STK24: variants seen among roughly 807,000 people sequenced by gnomAD.
The protein encoded by STK24 is serine/threonine-protein kinase 24.
Under a neutral mutation model 55.6 loss-of-function variants are expected in STK24, and 21 were observed. The ratio of observed to expected loss-of-function variants is 0.38; its 90% confidence interval spans 0.27 to 0.54. The LOEUF is 0.54. Ranked by LOEUF, STK24 falls within the 20% of genes least tolerant of loss-of-function variation. The probability of loss-of-function intolerance (pLI) is 0.79; values close to 1 mark genes in which losing one functional copy is unlikely to be tolerated. For missense variants in STK24, 383 were observed against 538.4 expected (o/e 0.71, Z 2.86); for synonymous variants, 200 against 215.2 (o/e 0.93, Z 0.62).
At chr13:98,492,332 G>A (rs1469740885) in intron 2 of STK24, among the ~76,000 whole-genome samples, 1 of 152,178 alleles carries the variant, frequency 6.6e-6, no homozygotes, top group Non-Finnish European at 1.5e-5. Context: ...TATGTGTGAA[G>A]AGCGAAGCCC....
chr13:98,488,687 T>G (rs1487922750), intron 2 of STK24, among the ~76,000 whole-genome samples: 1 of 152,154 alleles, frequency 6.6e-6, no homozygotes, highest in Non-Finnish European at 1.5e-5. Flanking sequence ...CCAGGCAAAC[T>G]TGCCCCAAAG....
At chr13:98,565,721 T>C (rs1897549419) in intron 1 of STK24, among the ~76,000 whole-genome samples, 2 of 151,786 alleles carry the variant, frequency 1.3e-5, no homozygotes, top group South Asian at 2.1e-4. Context: ...GGGCAACACC[T>C]GAAAGGCAAT....
chr13:98,514,087 A>G (rs543189764), intron 2 of STK24, among the ~76,000 whole-genome samples: 1 of 152,368 alleles, frequency 6.6e-6, no homozygotes, highest in African/African-American at 2.4e-5. Flanking sequence ...CAATATGGGC[A>G]AGGCTGAGAA....
chr13:98,466,125 G>A (rs911881065), intron 6 of STK24, among the ~76,000 whole-genome samples: 2 of 152,072 alleles, frequency 1.3e-5, no homozygotes, highest in Admixed American at 6.5e-5. Context: ...TTAATATTAA[G>A]GAGAATATTC....
At chr13:98,571,134 G>A (rs1323175801) in intron 1 of STK24, among the ~76,000 whole-genome samples, 1 of 152,158 alleles carries the variant, frequency 6.6e-6, no homozygotes, top group Non-Finnish European at 1.5e-5. Context: ...TCGGACGCCT[G>A]GACTGCGGCT....
chr13:98,573,381 C>T (rs1897791907), intron 1 of STK24, among the ~76,000 whole-genome samples: 1 of 152,184 alleles, frequency 6.6e-6, no homozygotes, highest in African/African-American at 2.4e-5. Flanking sequence ...ACAACAAATG[C>T]TCAATGAAAG....
intron 5 of STK24, among the ~76,000 whole-genome samples, chr13:98,469,491 G>T (rs1894054289): frequency 6.6e-6 from 1 of 151,734 alleles, no homozygotes; most frequent in African/African-American, 2.4e-5. Flanking sequence ...AGAAGTTGCA[G>T]TGAGCGAGAT....
At chr13:98,468,688 C>T (rs1190044106) in intron 5 of STK24, among the ~76,000 whole-genome samples, 1 of 152,194 alleles carries the variant, frequency 6.6e-6, no homozygotes, top group Non-Finnish European at 1.5e-5. Flanking sequence ...CATGCTGTCT[C>T]CTGGCCACAC....
chr13:98,514,136 T>G (rs1351867950), intron 2 of STK24, among the ~76,000 whole-genome samples: 1 of 152,220 alleles, frequency 6.6e-6, no homozygotes, highest in African/African-American at 2.4e-5. Flanking sequence ...GTAAGTAGGC[T>G]GATTATTTTC....
At position 98,446,414 on chromosome 13, in the gene STK24, C is replaced by T; in HGVS notation, c.*6759G>A. 1.7e-6 allele frequency: 1 copy of T among 602,044 alleles called. No homozygotes were observed. Among genetic ancestry groups the T allele is most frequent in the Non-Finnish European group, 2.9e-6 (1 of 339,344 alleles). The allele number at this position is 602,044 out of a possible 1,614,324, so 37.3% of individuals were successfully genotyped here. On this transcript the variant is annotated 3_prime_UTR_variant, in exon 11 of 11. Transcript: ENST00000539966. Reference sequence around the variant, plus strand: ...CATCCACTGAAGGACAACTTCTGCCCTAGGAAGGGCCACCTGTCTTCTGCC... The same window carrying T: ...CATCCACTGAAGGACAACTTCTGCCTTAGGAAGGGCCACCTGTCTTCTGCC...
intron 2 of STK24, among the ~76,000 whole-genome samples, chr13:98,490,068 C>T (rs1303721610): frequency 1.3e-5 from 2 of 152,170 alleles, no homozygotes; most frequent in Non-Finnish European, 2.9e-5. Flanking sequence ...TCCTCCTCTG[C>T]ACCCAAGACA....
intron 5 of STK24, among the ~76,000 whole-genome samples, chr13:98,468,075 T>C (rs1229801335): frequency 6.6e-6 from 1 of 152,208 alleles, no homozygotes; most frequent in Non-Finnish European, 1.5e-5. Flanking sequence ...GAAGCATCGT[T>C]GTGGCTGCAG....
rs548174817 is a variant in STK24, at chr13:98,565,757, T to C, written c.42+10988A>G. Among the ~76,000 whole-genome samples, 147 of 152,244 alleles carry C rather than the reference T, an allele frequency of 9.7e-4. 2 individuals carry two copies. The South Asian group carries it at 0.016, about 16-fold the overall frequency. ...GAACAGGAGCCAGTCAGCAGCTCCA[T>C]GCCCACCCTAAGGAGGTGGGGCTCA... On this transcript the variant is annotated intron_variant, in intron 1 of 10. Transcript: ENST00000539966.
chr13:98,458,099 A>G (rs1019693899), intron 9 of STK24, among the ~76,000 whole-genome samples: 46 of 152,214 alleles, frequency 3.0e-4, no homozygotes, highest in African/African-American at 9.4e-4. Flanking sequence ...ATTTGATTTC[A>G]TGTAAATAAG....
chr13:98,485,408 G>A (rs1566362230), intron 2 of STK24, among the ~76,000 whole-genome samples: 1 of 151,864 alleles, frequency 6.6e-6, no homozygotes, highest in Non-Finnish European at 1.5e-5. Flanking sequence ...AAGATCAGAT[G>A]AACCAGTTTA....
chr13:98,523,561 G>A (rs992241886), intron 1 of STK24, among the ~76,000 whole-genome samples: 10 of 152,090 alleles, frequency 6.6e-5, no homozygotes, highest in Admixed American at 3.3e-4. Flanking sequence ...CCAGAGGGAC[G>A]TGACCATGAG....
At chr13:98,492,658 A>C (rs1305342337) in intron 2 of STK24, among the ~76,000 whole-genome samples, 1 of 152,054 alleles carries the variant, frequency 6.6e-6, no homozygotes, top group African/African-American at 2.4e-5. Flanking sequence ...ACAACCCCAC[A>C]ATTTTTCTCT....
intron 1 of STK24, among the ~76,000 whole-genome samples, chr13:98,559,269 A>G (rs768032403): frequency 4.2e-4 from 64 of 152,184 alleles, no homozygotes; most frequent in Non-Finnish European, 8.5e-4. Context: ...CATAATCCCT[A>G]TGCATTGTGG....
Position 98,448,203 on chromosome 13 carries a change from A to C in STK24, c.*4970T>G, listed in dbSNP as rs1892981418. The C allele has an allele frequency of 6.3e-7, 1 of 1,593,246 alleles. No individual in the cohort carries two copies. The highest frequency in any genetic ancestry group is 1.3e-5 in the African/African-American group (1 of 74,486). ...AAAGTGTCAGGAGTCCGTCCAAACAAAAGGTTGACTAACTGGCGTTCCCGT... is the reference window on the plus strand; with the variant it reads ...AAAGTGTCAGGAGTCCGTCCAAACACAAGGTTGACTAACTGGCGTTCCCGT... On this transcript the variant is annotated 3_prime_UTR_variant, in exon 11 of 11. Transcript: ENST00000539966.
Sources: gnomAD v4.1 joint callset for allele counts (sites outside exome capture counted in the v4.1 genomes callset) on GRCh38, gnomAD v4.1.1 for gene constraint, MANE v1.5 for transcripts, NCBI Gene and HGNC (gene_info 2026-07-23, HGNC 2026-07-21) for gene names.